NUP155: variants seen among roughly 807,000 people sequenced by gnomAD.
NUP155 encodes nucleoporin 155, also known as nuclear pore complex protein Nup155.
In NUP155, 71 loss-of-function variants were observed where a neutral mutation model predicts 180.4. The ratio of observed to expected loss-of-function variants is 0.39; its 90% CI spans 0.33 to 0.48. The LOEUF (loss-of-function observed/expected upper bound fraction) is 0.48. Among genes scored for constraint, NUP155 ranks in the 20% least tolerant of loss-of-function variants. The pLI is 0.91. For missense variants in NUP155, 1,553 were observed against 1,648.9 expected (o/e 0.94, Z 1.01); for synonymous variants, 582 against 559.5 (o/e 1.04, Z -0.57).
chr5:37,354,425 G>A (rs1272195497), intron 4 of NUP155, among the ~76,000 whole-genome samples: 1 of 147,842 alleles, frequency 6.8e-6, no homozygotes, highest in African/African-American at 2.5e-5. Context: ...GATTACAGGC[G>A]TGAACCAACG....
intron 18 of NUP155, 33 bp downstream of exon 18, chr5:37,327,596 G>A: frequency 6.2e-7 from 1 of 1,610,988 alleles, no homozygotes; most frequent in African/African-American, 1.3e-5. Flanking sequence ...GGGACAAGGT[G>A]AGCAATAATT....
intron 1 of NUP155, among the ~76,000 whole-genome samples, chr5:37,370,145 CG>C (rs1323433255): frequency 6.6e-6 from 1 of 152,018 alleles, no homozygotes; most frequent in Non-Finnish European, 1.5e-5. Context: ...CCGAGGCGGG[CG>C]GATCACTTGA....
Position 37,342,465 on chromosome 5 carries a change from T to C in NUP155, c.1093+84A>G, listed in dbSNP as rs544683521. On this transcript the variant is annotated intron_variant, in intron 10 of 34. Transcript: ENST00000231498. ...TTTACGGCAGATATAGAAGGAAAAA[T>C]ATATTTCTAATAATAAATTTCCAAA... 133 of 848,664 alleles carry C rather than the reference T, an allele frequency of 1.6e-4. 1 individual carries two copies. In the South Asian group the frequency reaches 2.0e-3, roughly 13 times the overall value. 52.6% of individuals were successfully genotyped at this position (848,664 alleles called of 1,614,324 possible).
chr5:37,349,874 T>C (rs977663791), intron 7 of NUP155, among the ~76,000 whole-genome samples: 7 of 152,190 alleles, frequency 4.6e-5, no homozygotes, highest in African/African-American at 1.4e-4. Context: ...TGAATGTCTG[T>C]CTCTCTCACA....
rs547191653 is a variant in NUP155, at chr5:37,357,017, G to GA, written c.463+1063dup. On this transcript the variant is annotated intron_variant, in intron 4 of 34. Coordinates refer to ENST00000231498, the MANE Select transcript of NUP155 (RefSeq NM_153485.3). ...AGCTACTTGGAAGGCTGAGGCAAGAGAATCGCTCAATCCTGGGAGGCGGAG... is the reference window on the plus strand; with the variant it reads ...AGCTACTTGGAAGGCTGAGGCAAGAGAAATCGCTCAATCCTGGGAGGCGGAG... Among the ~76,000 whole-genome samples the GA allele has an allele frequency of 4.1e-4, 63 of 152,288 alleles. No homozygotes were observed. In the East Asian group the frequency reaches 6.2e-3, roughly 15 times the overall value.
chr5:37,331,156 A>AC (rs1161571430), intron 14 of NUP155, among the ~76,000 whole-genome samples: 2 of 151,948 alleles, frequency 1.3e-5, no homozygotes, highest in African/African-American at 4.8e-5. Flanking sequence ...CTCAAAAAAA[A>AC]AAAAGAATTT....
At chr5:37,304,600 GC>G (rs1743049990) in intron 27 of NUP155, 138 bp downstream of exon 27, 2 of 690,326 alleles carry the variant, frequency 2.9e-6, no homozygotes, top group East Asian at 5.0e-5. Context: ...AAAAGATACT[GC>G]ATTACTCAGC....
At position 37,329,214 on chromosome 5, in the gene NUP155, T is replaced by C; in HGVS notation, c.1789A>G (p.Ile597Val). 6.2e-7 allele frequency: 1 copy of C among 1,613,756 alleles called. No individual in the cohort carries two copies. Among genetic ancestry groups the C allele is most frequent in the South Asian group, 1.1e-5 (1 of 91,078 alleles). The change falls in exon 16 of 35, where the codon ATC (isoleucine) becomes GTC (valine). Residue 597 changes from isoleucine to valine, a missense_variant. Ile to Val is a conservative substitution (Grantham distance 29). Transcript: ENST00000231498. The part of the protein sequence containing the change: ...TLPPPSNVGP[I>V]LGSPVYSSSP... ...CTAGAATAGACAGGAGACCCCAAGA[T>C]GGGACCAACATTACTTGGAGGCGGA...
At chr5:37,299,106 AG>A in intron 31 of NUP155, 128 bp from the exon 32 acceptor site, 1 of 713,222 alleles carries the variant, frequency 1.4e-6, no homozygotes, top group East Asian at 2.7e-5. Flanking sequence ...TATGATTAAC[AG>A]ATTTGGTGTT....
rs1319502911 is a variant in NUP155 at position 37,324,046 on chromosome 5, T to A, written c.2153A>T (p.Gln718Leu). The A allele has an allele frequency of 1.2e-6, 2 of 1,613,810 alleles. No homozygotes were observed. Among genetic ancestry groups the A allele is most frequent in the Admixed American group, 3.3e-5 (2 of 59,992 alleles). ...CTGGGAGTTTCTGTCTAGAAATTCC[T>A]GCAAACCCTTTAGTTCTTGTAGCAC... ...ESVLQELKGLQEFLDRNSQFA... is the reference protein window; with the variant it reads ...ESVLQELKGLLEFLDRNSQFA... The change falls in exon 20 of 35, where the codon CAG (glutamine) becomes CTG (leucine). Residue 718 changes from glutamine to leucine, a missense_variant. Physicochemically the swap from Gln to Leu is moderately radical, Grantham distance 113. Coordinates refer to ENST00000231498, the MANE Select transcript of NUP155 (RefSeq NM_153485.3).
chr5:37,331,456 C>G (rs1046324584), intron 14 of NUP155, among the ~76,000 whole-genome samples: 6 of 152,188 alleles, frequency 3.9e-5, no homozygotes, highest in Admixed American at 3.9e-4. Flanking sequence ...TGCCTGTAAT[C>G]CCAGCTACTG....
At chr5:37,334,811 T>C (rs2150970251) in intron 12 of NUP155, among the ~76,000 whole-genome samples, 1 of 152,330 alleles carries the variant, frequency 6.6e-6, no homozygotes, top group South Asian at 2.1e-4. Flanking sequence ...GTAACTACCT[T>C]CTACCATCTT....
intron 9 of NUP155, among the ~76,000 whole-genome samples, chr5:37,346,052 TTTC>T (rs1417529622): frequency 2.0e-5 from 3 of 152,156 alleles, no homozygotes; most frequent in African/African-American, 7.2e-5. Flanking sequence ...TCAGAATTTT[TTTC>T]TTGTCACTGA....
At chr5:37,340,433 A>C (rs1745638256) in intron 11 of NUP155, among the ~76,000 whole-genome samples, 1 of 151,486 alleles carries the variant, frequency 6.6e-6, no homozygotes, top group Admixed American at 6.6e-5. Context: ...CAACAGAGCC[A>C]GACCACCTCA....
At chr5:37,308,981 A>G (rs774739924) in intron 24 of NUP155, 148 bp downstream of exon 24, 29 of 710,088 alleles carry the variant, frequency 4.1e-5, no homozygotes, top group Non-Finnish European at 6.8e-5. Context: ...CAATGATACC[A>G]CATTCCTACG....
At chr5:37,313,926 T>C (rs1204267303) in intron 22 of NUP155, among the ~76,000 whole-genome samples, 1 of 152,210 alleles carries the variant, frequency 6.6e-6, no homozygotes, top group Non-Finnish European at 1.5e-5. Flanking sequence ...CAGAAGAACC[T>C]GTAGCTCAAA....
At chr5:37,327,501 G>T in intron 18 of NUP155, 128 bp downstream of exon 18, 1 of 937,458 alleles carries the variant, frequency 1.1e-6, no homozygotes, top group Non-Finnish European at 1.7e-6. Context: ...AAGTTTTATT[G>T]ATCAACAAGT....
At chr5:37,322,795 A>C (rs370786947) in intron 20 of NUP155, among the ~76,000 whole-genome samples, 8 of 150,868 alleles carry the variant, frequency 5.3e-5, no homozygotes, top group African/African-American at 2.0e-4. Context: ...CAACATAGTG[A>C]AACTCCATTT....
In NUP155 at chr5:37,292,887, A is replaced by C. The variant is rs1045463942; in HGVS notation, c.4029T>G (p.Asn1343Lys). ...ATTTAATTCATAAGTACCTTTCACA[A>C]TTTAAAACTTGGCTGGGATTCTCAA... ...RYVENPSQVL[N>K]CERRRFTNLC... The change falls in exon 34 of 35, where the codon AAT becomes AAG. Residue 1343 changes from asparagine (N) to lysine (K), a missense_variant. Coordinates refer to ENST00000231498, the MANE Select transcript of NUP155 (RefSeq NM_153485.3). 1 of 1,600,902 alleles carries C rather than the reference A, an allele frequency of 6.2e-7. No individual in the cohort carries two copies. Among genetic ancestry groups the C allele is most frequent in the African/African-American group, 1.3e-5 (1 of 74,652 alleles).
Sources: allele counts gnomAD v4.1 joint callset (sites outside exome capture counted in the v4.1 genomes callset), GRCh38; gene constraint gnomAD v4.1.1; transcripts MANE v1.5; gene names NCBI Gene and HGNC (gene_info 2026-07-23, HGNC 2026-07-21).